The following KDM6A variants were observed in gnomAD, a reference collection of about 807,000 sequenced individuals.
KDM6A encodes the protein lysine demethylase 6A.
Under a neutral mutation model 117.6 loss-of-function variants are expected in KDM6A, and 11 were observed. The ratio of observed to expected loss-of-function variants is 0.09; its 90% confidence interval spans 0.06 to 0.15. KDM6A has a LOEUF of 0.15. KDM6A is among the 10% of genes least tolerant of loss of function. The pLI is 1.00. For missense variants in KDM6A, 799 were observed against 1,077.3 expected (o/e 0.74, Z 3.62); for synonymous variants, 384 against 396.1 (o/e 0.97, Z 0.36).
At chrX:45,071,170 CAA>C (rs2044813761) in intron 18 of KDM6A, among the ~76,000 whole-genome samples, 1 of 112,007 alleles carries the variant, frequency 8.9e-6, no homozygotes, top group Admixed American at 9.4e-5. Flanking sequence ...CTGGAACAAA[CAA>C]ATAATTCTGT....
intron 29 of KDM6A, 62 bp downstream of exon 29, chrX:45,110,311 T>A (rs2148309732): frequency 1.0e-6 from 1 of 983,454 alleles, no homozygotes; most frequent in Non-Finnish European, 1.5e-6. Flanking sequence ...GTGTTTGCTC[T>A]GCCACCTGAT....
intron 17 of KDM6A, among the ~76,000 whole-genome samples, chrX:45,064,901 C>A (rs1425076383): frequency 3.6e-5 from 4 of 111,808 alleles, no homozygotes; most frequent in Non-Finnish European, 7.5e-5. Flanking sequence ...CTACTAGGTT[C>A]ATTTCCTACT....
At chrX:45,065,486 G>A (rs2044490877) in intron 17 of KDM6A, among the ~76,000 whole-genome samples, 1 of 111,992 alleles carries the variant, frequency 8.9e-6, no homozygotes, top group Non-Finnish European at 1.9e-5. Flanking sequence ...TGGATAGACT[G>A]AAAGAGGCAA....
chrX:45,101,570 A>G (rs1048546467), intron 27 of KDM6A, among the ~76,000 whole-genome samples: 2 of 110,685 alleles, frequency 1.8e-5, no homozygotes, highest in South Asian at 3.8e-4. Flanking sequence ...GAATGCTGCT[A>G]TTAAATATCC....
chrX:44,880,401 T>C (rs966501133), intron 2 of KDM6A, among the ~76,000 whole-genome samples: 1 of 109,189 alleles, frequency 9.2e-6, no homozygotes, highest in Non-Finnish European at 1.9e-5. Flanking sequence ...AAGACACTTT[T>C]GGGGTGAGAA....
intron 2 of KDM6A, among the ~76,000 whole-genome samples, chrX:44,939,164 C>T (rs1012884130): frequency 1.8e-5 from 2 of 111,792 alleles, no homozygotes; most frequent in African/African-American, 6.5e-5. Context: ...ATATGGCTGC[C>T]GTAGTTAGTG....
chrX:45,005,817 A>C (rs970094045), intron 4 of KDM6A, among the ~76,000 whole-genome samples: 2 of 108,436 alleles, frequency 1.8e-5, no homozygotes, highest in Non-Finnish European at 3.8e-5. Context: ...TTTTGTGGGG[A>C]GGCTCAATTT....
At chrX:44,974,808 TG>T (rs2147264329) in intron 4 of KDM6A, 93 bp downstream of exon 4, 1 of 641,571 alleles carries the variant, frequency 1.6e-6, no homozygotes, top group East Asian at 3.3e-5. Context: ...TGCTTTTTTT[TG>T]TTAATTACTT....
At chrX:44,947,004 C>T (rs1301720549) in intron 2 of KDM6A, among the ~76,000 whole-genome samples, 1 of 111,846 alleles carries the variant, frequency 8.9e-6, no homozygotes, top group Non-Finnish European at 1.9e-5. Context: ...TTATATTTTA[C>T]GTGTGTCTAA....
intron 2 of KDM6A, among the ~76,000 whole-genome samples, chrX:44,887,941 G>T (rs962404832): frequency 1.8e-5 from 2 of 111,659 alleles, no homozygotes; most frequent in Non-Finnish European, 3.8e-5. Flanking sequence ...GCTGTGGTGA[G>T]CTGTGATTGT....
chrX:44,972,214 T>C (rs1602398325), intron 3 of KDM6A, among the ~76,000 whole-genome samples: 1 of 111,260 alleles, frequency 9.0e-6, no homozygotes, highest in Non-Finnish European at 1.9e-5. Flanking sequence ...GTAGAATGTC[T>C]AAAAACCTAT....
Position 45,091,791 on chromosome X carries a change from A to G in KDM6A, c.4034+927A>G, listed in dbSNP as rs753637649. On this transcript the variant is annotated intron_variant, in intron 27 of 29. Coordinates refer to ENST00000611820, the MANE Select transcript of KDM6A (RefSeq NM_001291415.2). ...TAGTCTTTGTTAAAATAGAGTTTAC[A>G]TTAAGTATTTCTCCTGCAGATATAT... 2.3e-4 allele frequency among the ~76,000 whole-genome samples: 26 copies of G among 112,069 alleles called. 1 individual carries two copies. The highest frequency in any genetic ancestry group is 2.1e-3 in the Admixed American group (22 of 10,565).
At chrX:44,920,877 C>CT (rs778080296) in intron 2 of KDM6A, among the ~76,000 whole-genome samples, 2,254 of 81,421 alleles carry the variant, frequency 0.028, 42 homozygotes, top group African/African-American at 0.054. Flanking sequence ...TTTTCTTTTT[C>CT]TTTTTTTTTT....
At chrX:44,963,726 A>G (rs1198637920) in intron 3 of KDM6A, among the ~76,000 whole-genome samples, 1 of 109,776 alleles carries the variant, frequency 9.1e-6, no homozygotes, top group Non-Finnish European at 1.9e-5. Flanking sequence ...GACTCCTGCT[A>G]ATGTCGGTAT....
intron 4 of KDM6A, among the ~76,000 whole-genome samples, chrX:45,008,789 T>TA (rs1480355655): frequency 9.0e-5 from 10 of 111,554 alleles, no homozygotes; most frequent in East Asian, 8.4e-4. Context: ...AATTTAAAAT[T>TA]AAAAAAAATT....
chrX:44,969,866 A>G (rs187899537), intron 3 of KDM6A, among the ~76,000 whole-genome samples: 1 of 112,593 alleles, frequency 8.9e-6, no homozygotes, highest in Admixed American at 9.4e-5. Context: ...TAATCATTCT[A>G]AAACAGGTTT....
At chrX:44,995,812 A>G (rs3979422) in intron 4 of KDM6A, among the ~76,000 whole-genome samples, 4,542 of 111,002 alleles carry the variant, frequency 0.041, 84 homozygotes, top group Middle Eastern at 0.084. Context: ...AATTATAATC[A>G]TTTCTGTTTT....
At chrX:44,990,731 A>G (rs935384683) in intron 4 of KDM6A, among the ~76,000 whole-genome samples, 2 of 111,330 alleles carry the variant, frequency 1.8e-5, no homozygotes, top group Non-Finnish European at 3.8e-5. Flanking sequence ...CTGCTGGTAT[A>G]TAGAACTGCA....
At chrX:45,004,987 T>C (rs1249604506) in intron 4 of KDM6A, among the ~76,000 whole-genome samples, 4 of 111,276 alleles carry the variant, frequency 3.6e-5, no homozygotes, top group African/African-American at 1.3e-4. Flanking sequence ...TTTAAAATTC[T>C]AGACTTTGGT....
Sources: gnomAD v4.1 joint callset for allele counts (sites outside exome capture counted in the v4.1 genomes callset) on GRCh38, gnomAD v4.1.1 for gene constraint, MANE v1.5 for transcripts, NCBI Gene and HGNC (gene_info 2026-07-23, HGNC 2026-07-21) for gene names.